RASGRP3: variants seen among roughly 807,000 people sequenced by gnomAD.
RASGRP3 encodes RAS guanyl releasing protein 3, also known as ras guanyl-releasing protein 3.
A neutral mutation model predicts 82.7 loss-of-function variants in RASGRP3; 54 were observed. The observed-to-expected ratio is 0.65, with a 90% CI of 0.52 to 0.82. The LOEUF is 0.82. Among genes scored for constraint, RASGRP3 ranks in the 40% least tolerant of loss-of-function variants. RASGRP3 has a pLI of 0.00. For missense variants in RASGRP3, 861 were observed against 828.9 expected, an observed-to-expected ratio of 1.04 and a Z score of -0.48; for synonymous variants, 309 against 300.5, an observed-to-expected ratio of 1.03 and a Z score of -0.29.
chr2:33,487,258 T>G (rs1383822268), intron 1 of RASGRP3, among the ~76,000 whole-genome samples: 5 of 152,144 alleles, frequency 3.3e-5, no homozygotes, highest in Admixed American at 3.3e-4. Context: ...AGGGATGACA[T>G]GAATACATTT....
chr2:33,561,850 A>G lies in RASGRP3; in HGVS notation c.2065-879A>G, dbSNP rs74467029. ...TGTGGCAGTGTATGTCATCTCCCCA[A>G]TGACCACTACATGTCAGAACAGTTC... On this transcript the variant is annotated intron_variant, in intron 17 of 17. Coordinates refer to ENST00000403687, the MANE Select transcript of RASGRP3 (RefSeq NM_001139488.2). 2.2e-3 allele frequency among the ~76,000 whole-genome samples: 336 copies of G among 152,312 alleles called. 1 individual carries two copies. The highest frequency in any genetic ancestry group is 6.6e-3 in the African/African-American group (273 of 41,578).
intron 13 of RASGRP3, among the ~76,000 whole-genome samples, chr2:33,549,080 T>A (rs1002840158): frequency 2.6e-5 from 4 of 151,926 alleles, no homozygotes; most frequent in African/African-American, 7.3e-5. Context: ...CTGTGTGGAG[T>A]AGATCTGGAA....
At chr2:33,454,537 AG>A (rs1173228204) in intron 2 of RASGRP3, among the ~76,000 whole-genome samples, 1 of 152,246 alleles carries the variant, frequency 6.6e-6, no homozygotes, top group African/African-American at 2.4e-5. Flanking sequence ...TTGAGCTTCC[AG>A]CTGAAGACGG....
Position 33,537,328 on chromosome 2 carries a change from C to CA in RASGRP3, c.1162-1766_1162-1765insA, listed in dbSNP as rs61435746. Among the ~76,000 whole-genome samples the CA allele has an allele frequency of 1.4e-4, 9 of 66,422 alleles. 2 individuals carry two copies. The highest frequency in any genetic ancestry group is 8.9e-4 in the African/African-American group (9 of 10,142). The allele number at this position is 66,422 out of a possible 152,430, so 43.6% of individuals were successfully genotyped here. ...AATACACACACACACACACCGCCCC[C>CA]CCCACACACACACACAAGTATATAT... is the stretch of plus-strand genomic sequence containing the variant. On this transcript the variant is annotated intron_variant, in intron 11 of 17. Transcript: ENST00000403687.
chr2:33,496,889 C>G (rs531277655), intron 1 of RASGRP3, among the ~76,000 whole-genome samples: 1 of 152,154 alleles, frequency 6.6e-6, no homozygotes, highest in Admixed American at 6.5e-5. Context: ...ACAAAAAAAA[C>G]AAACCCCTAC....
intron 1 of RASGRP3, among the ~76,000 whole-genome samples, chr2:33,484,488 A>G (rs1254788182): frequency 6.6e-6 from 1 of 152,150 alleles, no homozygotes; most frequent in Non-Finnish European, 1.5e-5. Context: ...TATGCATGGA[A>G]TGCTTGCCGT....
upstream of RASGRP3, among the ~76,000 whole-genome samples, chr2:33,473,265 C>T (rs576367365): frequency 1.3e-5 from 2 of 152,152 alleles, no homozygotes; most frequent in South Asian, 4.2e-4. Context: ...TGCCTATAGT[C>T]CCAGCTACTC....
intron 2 of RASGRP3, among the ~76,000 whole-genome samples, 192 bp from the exon 3 acceptor site, chr2:33,514,818 A>G (rs1671291344): frequency 6.6e-6 from 1 of 152,210 alleles, no homozygotes; most frequent in African/African-American, 2.4e-5. Context: ...TCCAAGCAGC[A>G]TCCATCCCCG....
intron 1 of RASGRP3, among the ~76,000 whole-genome samples, chr2:33,445,369 G>C (rs1377577591): frequency 6.6e-6 from 1 of 152,178 alleles, no homozygotes; most frequent in Non-Finnish European, 1.5e-5. Context: ...TGAGGGTTTG[G>C]TTATGAAACT....
intron 5 of RASGRP3, 135 bp downstream of exon 5, chr2:33,520,149 T>A: frequency 2.8e-6 from 2 of 703,118 alleles, no homozygotes; most frequent in Non-Finnish European, 4.8e-6. Context: ...TTTGTTAAAA[T>A]TGGCTCTCCT....
At position 33,557,881 on chromosome 2, in the gene RASGRP3, T is replaced by A. The variant is rs76577462; in HGVS notation, c.1580-330T>A. 1.8e-3 allele frequency among the ~76,000 whole-genome samples: 281 copies of A among 152,206 alleles called. 1 individual carries two copies. The highest frequency in any genetic ancestry group is 6.5e-3 in the African/African-American group (270 of 41,538). The stretch of plus-strand genomic sequence containing the variant: ...AGCCTGGGAAAGACTCTCAACCCCA[T>A]TTGATTTGCATTTAGTTTTGGGCAA... On this transcript the variant is annotated intron_variant, in intron 15 of 17. Transcript: ENST00000403687.
At chr2:33,466,774 A>G (rs1308379520) in intron 2 of RASGRP3, among the ~76,000 whole-genome samples, 2 of 152,180 alleles carry the variant, frequency 1.3e-5, no homozygotes, top group Admixed American at 6.5e-5. Context: ...ACAGTATACT[A>G]TAAACATAAG....
At chr2:33,539,969 C>T (rs1674078470) in intron 12 of RASGRP3, 2 of 142,542 alleles carry the variant, frequency 1.4e-5, no homozygotes, top group African/African-American at 5.2e-5. Flanking sequence ...GCCTGGGAGA[C>T]AGAGTGAGAC....
chr2:33,528,047 C>A (rs191057049), intron 10 of RASGRP3, among the ~76,000 whole-genome samples: 26 of 152,318 alleles, frequency 1.7e-4, no homozygotes, highest in African/African-American at 6.3e-4. Context: ...CCCATCCCAA[C>A]CCATCCATGT....
At chr2:33,507,561 T>G (rs1439894229) in intron 1 of RASGRP3, among the ~76,000 whole-genome samples, 3 of 152,222 alleles carry the variant, frequency 2.0e-5, no homozygotes, top group Non-Finnish European at 4.4e-5. Context: ...AGTCTCTCTA[T>G]GTTGCCCAGG....
At chr2:33,499,773 A>AGAGAG (rs1553344704) in intron 1 of RASGRP3, among the ~76,000 whole-genome samples, 14 of 135,654 alleles carry the variant, frequency 1.0e-4, no homozygotes, top group African/African-American at 3.7e-4. Context: ...CAAAAAAAAA[A>AGAGAG]AGAGAGGATA....
intron 8 of RASGRP3, 24 bp from the exon 9 acceptor site, chr2:33,524,408 A>C: frequency 1.4e-6 from 2 of 1,394,444 alleles, no homozygotes; most frequent in Non-Finnish European, 2.0e-6. Context: ...ATCCTTAAAA[A>C]GCATTGATGC....
At chr2:33,527,537 GAGGAA>G in intron 10 of RASGRP3, 125 bp downstream of exon 10, 1 of 1,009,660 alleles carries the variant, frequency 9.9e-7, no homozygotes, top group Non-Finnish European at 1.4e-6. Context: ...CAATAGATGA[GAGGAA>G]ATCTCATAGA....
rs1669306226 is a variant in RASGRP3, at chr2:33,496,294, A to C, written c.-260-15416A>C. ...AGGACAAGATTTATAGTGTGTGGACAGGAACTCTGCTCTTGCATTTCATTC... is the reference window on the plus strand; with the variant it reads ...AGGACAAGATTTATAGTGTGTGGACCGGAACTCTGCTCTTGCATTTCATTC... On this transcript the variant is annotated intron_variant, in intron 1 of 17. Transcript: ENST00000403687. Among the ~76,000 whole-genome samples, 3 of 152,260 alleles carry C rather than the reference A, an allele frequency of 2.0e-5. No homozygotes were observed. In the South Asian group the frequency reaches 6.2e-4, roughly 31 times the overall value.
Sources: gnomAD v4.1 joint callset for allele counts (sites outside exome capture counted in the v4.1 genomes callset) on GRCh38, gnomAD v4.1.1 for gene constraint, MANE v1.5 for transcripts, NCBI Gene and HGNC (gene_info 2026-07-23, HGNC 2026-07-21) for gene names.